C2CD3: variants seen among roughly 807,000 people sequenced by gnomAD.
C2CD3 encodes C2 domain-containing protein 3.
Under a neutral mutation model 234.0 loss-of-function variants are expected in C2CD3, and 148 were observed. The observed-to-expected ratio is 0.63, with a 90% CI of 0.55 to 0.72. The LOEUF is 0.72. C2CD3 is among the 30% of genes least tolerant of loss of function. The pLI is 0.00. For synonymous variants in C2CD3, 1,000 were observed against 1,035.4 expected, an observed-to-expected ratio of 0.97 and a Z score of 0.66; for missense variants, 2,577 against 2,811.5, an observed-to-expected ratio of 0.92 and a Z score of 1.89.
chr11:74,168,844 G>A lies in C2CD3; in HGVS notation c.56-231C>T, dbSNP rs539398511. Among the ~76,000 whole-genome samples the A allele has an allele frequency of 2.0e-5, 3 of 152,276 alleles. No individual in the cohort carries two copies. In the East Asian group the frequency reaches 5.8e-4, roughly 29 times the overall value. ...TGTAAGCCACTCTGATAACTAATTA[G>A]TATTTAAGGTTTGATTTGATTTACT... On this transcript the variant is annotated intron_variant, in intron 1 of 32. Transcript: ENST00000334126.
chr11:74,125,438 C>G (rs1013509140), intron 7 of C2CD3, among the ~76,000 whole-genome samples: 1 of 152,098 alleles, frequency 6.6e-6, no homozygotes, highest in Non-Finnish European at 1.5e-5. Context: ...CAGGTGTGAG[C>G]CCCCATGCCT....
At chr11:74,028,885 G>T (rs1402633017) in intron 31 of C2CD3, among the ~76,000 whole-genome samples, 1 of 152,200 alleles carries the variant, frequency 6.6e-6, no homozygotes, top group Non-Finnish European at 1.5e-5. Flanking sequence ...AGTCAGTCAG[G>T]GGATGTGGGG....
At chr11:74,146,381 C>T (rs961096131) in intron 3 of C2CD3, among the ~76,000 whole-genome samples, 2 of 152,100 alleles carry the variant, frequency 1.3e-5, no homozygotes, top group Non-Finnish European at 2.9e-5. Flanking sequence ...TGGCATTCTT[C>T]TTTGTAGTTG....
chr11:74,116,610 C>A (rs1454333364), intron 9 of C2CD3, among the ~76,000 whole-genome samples: 2 of 151,928 alleles, frequency 1.3e-5, no homozygotes, highest in African/African-American at 4.8e-5. Context: ...TTTGACCCAG[C>A]AATCCTACTT....
intron 29 of C2CD3, among the ~76,000 whole-genome samples, chr11:74,039,039 T>C (rs1952880592): frequency 6.6e-6 from 1 of 152,054 alleles, no homozygotes; most frequent in Admixed American, 6.5e-5. Context: ...CCTTATTCTA[T>C]CACTAGAGGC....
At position 74,033,427 on chromosome 11, in the gene C2CD3, G is replaced by A; in HGVS notation, c.6733C>T (p.Pro2245Ser). ...TGCCTGATGTCAGAGGAGTCGATGG[G>A]TGGTCCCTTATGGTTTTCCCTTCTG... ...QSRRENHKGP[P>S]IDSSDIRQRQ... The change falls in exon 31 of 33, where the codon CCC becomes TCC. Residue 2245 changes from proline to serine, a missense_variant. Physicochemically the swap from Pro to Ser is moderately conservative, Grantham distance 74. Transcript: ENST00000334126. The A allele has an allele frequency of 1.3e-6, 2 of 1,536,172 alleles. No homozygotes were observed. Among genetic ancestry groups the A allele is most frequent in the Non-Finnish European group, 8.7e-7 (1 of 1,146,920 alleles).
At chr11:74,108,994 A>T in intron 12 of C2CD3, 40 bp downstream of exon 12, 1 of 964,604 alleles carries the variant, frequency 1.0e-6, no homozygotes, top group Non-Finnish European at 1.7e-6. Context: ...CCAAATCCCT[A>T]GTGTGAAGGT....
At chr11:74,146,346 T>C (rs1341721173) in intron 3 of C2CD3, among the ~76,000 whole-genome samples, 1 of 152,186 alleles carries the variant, frequency 6.6e-6, no homozygotes, top group Admixed American at 6.5e-5. Flanking sequence ...AAAAGGTGAA[T>C]TGAGTGAAAA....
rs185911032 is a variant in C2CD3 at position 74,076,584 on chromosome 11, A to G, written c.4603+1531T>C. On this transcript the variant is annotated intron_variant, in intron 23 of 32. Coordinates refer to ENST00000334126, the MANE Select transcript of C2CD3 (RefSeq NM_001286577.2). ...TTCTCAGGAAAAAAGTCCAAACTTC[A>G]GCTGAGAAGAGAAGGCTTTCAACAC... is the stretch of plus-strand genomic sequence containing the variant. Among the ~76,000 whole-genome samples the G allele has an allele frequency of 3.9e-5, 6 of 152,322 alleles. No individual in the cohort carries two copies. In the East Asian group the frequency reaches 1.2e-3, roughly 29 times the overall value.
In C2CD3 at chr11:74,109,094, C is replaced by T; in HGVS notation, c.1902G>A (p.Glu634=). Residue 634 remains glutamate, a synonymous_variant, in exon 12 of 33, where the codon GAG becomes GAA. Coordinates refer to ENST00000334126, the MANE Select transcript of C2CD3 (RefSeq NM_001286577.2). The part of the protein sequence containing the change: ...FPVQFGGPMI[E]HWWNSNLTFQ... ...AAGTGAGGTTGGAATTCCACCAGTG[C>T]TCTATCATTGGGCCACCAAACTGTA... 1 of 1,603,620 alleles carries T rather than the reference C, an allele frequency of 6.2e-7. No homozygotes were observed. The highest frequency in any genetic ancestry group is 2.3e-5 in the East Asian group (1 of 43,540).
intron 7 of C2CD3, among the ~76,000 whole-genome samples, chr11:74,125,312 T>G (rs1426805332): frequency 2.0e-5 from 3 of 152,096 alleles, no homozygotes; most frequent in South Asian, 2.1e-4. Context: ...GGATTACAGG[T>G]GCACACCAAT....
At chr11:74,097,817 A>C (rs539549728) in intron 16 of C2CD3, among the ~76,000 whole-genome samples, 192 bp downstream of exon 16, 2 of 152,358 alleles carry the variant, frequency 1.3e-5, no homozygotes, top group East Asian at 3.9e-4. Context: ...GCTAAGAGGG[A>C]CATAGAGATC....
intron 14 of C2CD3, among the ~76,000 whole-genome samples, chr11:74,100,916 G>A (rs1432185077): frequency 6.6e-6 from 1 of 152,172 alleles, no homozygotes; most frequent in East Asian, 1.9e-4. Flanking sequence ...AGCTCATACA[G>A]GTGGAGCTTT....
intron 24 of C2CD3, among the ~76,000 whole-genome samples, chr11:74,065,191 T>G (rs1954455185): frequency 6.6e-6 from 1 of 152,088 alleles, no homozygotes; most frequent in Non-Finnish European, 1.5e-5. Flanking sequence ...ATCCAGAATC[T>G]ACAAAGAACT....
At position 74,095,254 on chromosome 11, in the gene C2CD3, A is replaced by T. The variant is rs1452580813; in HGVS notation, c.3134T>A (p.Leu1045Gln). The T allele has an allele frequency of 6.2e-7, 1 of 1,613,264 alleles. No homozygotes were observed. The highest frequency in any genetic ancestry group is 1.3e-5 in the African/African-American group (1 of 74,902). ...ATTTTCAAGGAACTCAGGTCCTTTC[A>T]GCACACTGGATTGAGAGTGTTGAAC... ...FPVQHSQSSV[L>Q]KGPEFLENGI... The change falls in exon 17 of 33, where the codon CTG (leucine) becomes CAG (glutamine). Residue 1045 changes from leucine to glutamine, a missense_variant. Coordinates refer to ENST00000334126, the MANE Select transcript of C2CD3 (RefSeq NM_001286577.2).
At position 74,048,211 on chromosome 11, in the gene C2CD3, G is replaced by C. The variant is rs1396915037; in HGVS notation, c.5489C>G (p.Pro1830Arg). 2 of 1,613,030 alleles carry C rather than the reference G, an allele frequency of 1.2e-6. No individual in the cohort carries two copies. The highest frequency in any genetic ancestry group is 1.3e-5 in the African/African-American group (1 of 74,880). The change falls in exon 28 of 33, where the codon CCT becomes CGT. Residue 1830 changes from proline to arginine, a missense_variant. Physicochemically the swap from Pro to Arg is moderately radical, Grantham distance 103. Transcript: ENST00000334126. ...ASSKELDFSS[P>R]GRSDTTRSQA... The stretch of plus-strand genomic sequence containing the variant: ...TCATCAAGAATTCACTCACCTCCCA[G>C]GAGAGGAGAAATCAAGCTCCTTTGA...
intron 15 of C2CD3, 114 bp downstream of exon 15, chr11:74,100,411 A>C: frequency 1.0e-6 from 1 of 962,124 alleles, no homozygotes; most frequent in Middle Eastern, 2.3e-4. Flanking sequence ...AAACTGGAAA[A>C]AGTCCTTCAA....
chr11:74,167,718 C>T (rs1856898990), intron 2 of C2CD3, among the ~76,000 whole-genome samples: 2 of 152,168 alleles, frequency 1.3e-5, no homozygotes, highest in South Asian at 4.1e-4. Flanking sequence ...GAAAGCTTGA[C>T]CTGAATAAAG....
At chr11:74,035,218 A>G (rs1952680235) in intron 30 of C2CD3, among the ~76,000 whole-genome samples, 1 of 152,176 alleles carries the variant, frequency 6.6e-6, no homozygotes, top group Non-Finnish European at 1.5e-5. Context: ...TCAGGCCTCA[A>G]AGGAATGGGT....
Sources: gnomAD v4.1 joint callset for allele counts (sites outside exome capture counted in the v4.1 genomes callset) on GRCh38, gnomAD v4.1.1 for gene constraint, MANE v1.5 for transcripts, NCBI Gene and HGNC (gene_info 2026-07-23, HGNC 2026-07-21) for gene names.